Variants in CSMD1 observed in about 807,000 individuals in gnomAD.
CSMD1 encodes the protein CUB and Sushi multiple domains 1, also known as CUB and sushi domain-containing protein 1.
A neutral mutation model predicts 417.5 loss-of-function variants in CSMD1; 213 were observed. The observed-to-expected ratio is 0.51, with a 90% CI of 0.46 to 0.57. The LOEUF is 0.57. Ranked by LOEUF, CSMD1 falls within the 20% of genes least tolerant of loss-of-function variation. The pLI, the probability that CSMD1 is intolerant of heterozygous loss-of-function variation, is 0.00. For synonymous variants in CSMD1, 2,862 were observed against 1,736.8 expected, an observed-to-expected ratio of 1.65 and a Z score of -16.11; for missense variants, 6,923 against 4,529.7, an observed-to-expected ratio of 1.53 and a Z score of -15.17.
chr8:3,920,411 A>T (rs960970459), intron 5 of CSMD1, among the ~76,000 whole-genome samples: 1 of 151,806 alleles, frequency 6.6e-6, no homozygotes, highest in East Asian at 1.9e-4. Flanking sequence ...CTTTTCTAAG[A>T]CTGTAACATC....
intron 5 of CSMD1, among the ~76,000 whole-genome samples, chr8:3,990,386 A>G (rs1452315378): frequency 2.6e-5 from 4 of 152,268 alleles, no homozygotes; most frequent in African/African-American, 9.6e-5. Flanking sequence ...TGCCCTAAGA[A>G]TGGTAAGGAT....
rs191361876 is a variant in CSMD1 at position 4,240,230 on chromosome 8, G to C, written c.415+179723C>G. Among the ~76,000 whole-genome samples the C allele has an allele frequency of 6.4e-4, 97 of 152,368 alleles. No individual in the cohort carries two copies. In the East Asian group the frequency reaches 0.018, roughly 28 times the overall value. On this transcript the variant is annotated intron_variant, in intron 3 of 69. Transcript: ENST00000635120. ...GACAACCGGCTGCAGAGCGTAGCTT[G>C]TGCTAACCTGTTTCATGAGGGGCTG...
At chr8:3,517,094 C>T (rs886792448) in intron 10 of CSMD1, among the ~76,000 whole-genome samples, 8 of 152,182 alleles carry the variant, frequency 5.3e-5, no homozygotes, top group African/African-American at 1.7e-4. Context: ...ATCTGGCGGC[C>T]TTCTCAGGAG....
intron 6 of CSMD1, 99 bp from the exon 7 acceptor site, chr8:3,708,590 A>C: frequency 2.2e-6 from 2 of 895,356 alleles, no homozygotes; most frequent in Non-Finnish European, 3.7e-6. Flanking sequence ...GCTTTCTATC[A>C]ACCCCCGAAA....
chr8:4,562,214 C>G (rs1484462105), intron 2 of CSMD1, among the ~76,000 whole-genome samples: 2 of 151,948 alleles, frequency 1.3e-5, no homozygotes, highest in Non-Finnish European at 2.9e-5. Context: ...GAGCCAAGTC[C>G]TGGAAGAAAC....
intron 5 of CSMD1, among the ~76,000 whole-genome samples, chr8:3,873,856 G>A (rs1015287071): frequency 6.6e-6 from 1 of 152,202 alleles, no homozygotes; most frequent in South Asian, 2.1e-4. Context: ...TAGGAACACA[G>A]AGGAGATATT....
chr8:3,104,526 A>C (rs1315304003), intron 46 of CSMD1, among the ~76,000 whole-genome samples: 1 of 152,074 alleles, frequency 6.6e-6, no homozygotes, highest in East Asian at 1.9e-4. Context: ...ATACAACTTC[A>C]ATGTTAATAT....
intron 13 of CSMD1, among the ~76,000 whole-genome samples, chr8:3,408,738 G>T (rs1055571373): frequency 2.0e-5 from 3 of 151,800 alleles, no homozygotes; most frequent in Non-Finnish European, 2.9e-5. Context: ...TGTTCTAGTT[G>T]GATAATATAA....
intron 12 of CSMD1, among the ~76,000 whole-genome samples, chr8:3,445,353 T>C (rs555288133): frequency 1.3e-5 from 2 of 152,288 alleles, no homozygotes; most frequent in East Asian, 3.9e-4. Context: ...TTGACGTGTA[T>C]ACATATATGT....
chr8:3,548,169 G>T (rs1171281529), intron 10 of CSMD1, among the ~76,000 whole-genome samples: 1 of 152,102 alleles, frequency 6.6e-6, no homozygotes, highest in Non-Finnish European at 1.5e-5. Flanking sequence ...TGTTATGGGG[G>T]GTTCCTGCAA....
At chr8:3,799,477 A>G (rs1028401163) in intron 5 of CSMD1, among the ~76,000 whole-genome samples, 3 of 141,804 alleles carry the variant, frequency 2.1e-5, no homozygotes, top group African/African-American at 7.9e-5. Context: ...GTTCCCACCT[A>G]TAAGTGAGAC....
chr8:4,054,504 T>C (rs1272898996), intron 3 of CSMD1, among the ~76,000 whole-genome samples: 1 of 152,038 alleles, frequency 6.6e-6, no homozygotes, highest in Admixed American at 6.6e-5. Flanking sequence ...CATGTCGGTT[T>C]CGTCTACACC....
chr8:4,052,332 A>T (rs536821271), intron 3 of CSMD1, among the ~76,000 whole-genome samples: 2 of 152,364 alleles, frequency 1.3e-5, no homozygotes, highest in African/African-American at 4.8e-5. Context: ...TATCATATGC[A>T]CAAGGAGTAT....
At chr8:3,301,272 G>A (rs1005505397) in intron 25 of CSMD1, among the ~76,000 whole-genome samples, 1 of 152,122 alleles carries the variant, frequency 6.6e-6, no homozygotes, top group Non-Finnish European at 1.5e-5. Context: ...TGGAAACCTG[G>A]TGAGTTAGGA....
At chr8:4,919,467 G>C (rs774262379) in intron 1 of CSMD1, among the ~76,000 whole-genome samples, 3 of 152,022 alleles carry the variant, frequency 2.0e-5, no homozygotes, top group Non-Finnish European at 4.4e-5. Flanking sequence ...TTTTCTATTA[G>C]CCATTCCCTG....
At chr8:4,241,763 G>A (rs909035788) in intron 3 of CSMD1, among the ~76,000 whole-genome samples, 3 of 151,220 alleles carry the variant, frequency 2.0e-5, no homozygotes, top group African/African-American at 7.3e-5. Flanking sequence ...GAGTGCAGTG[G>A]CGTGATCTCA....
intron 7 of CSMD1, among the ~76,000 whole-genome samples, chr8:3,690,200 A>T (rs896906331): frequency 6.6e-6 from 1 of 152,200 alleles, no homozygotes; most frequent in African/African-American, 2.4e-5. Context: ...CTCTACAAAA[A>T]ATACAAAAAT....
In CSMD1 at chr8:4,391,054, G is replaced by C. The variant is rs531110884; in HGVS notation, c.415+28899C>G. 2.0e-5 allele frequency among the ~76,000 whole-genome samples: 3 copies of C among 152,294 alleles called. No homozygotes were observed. The East Asian group carries it at 5.8e-4, about 29-fold the overall frequency. Reference sequence around the variant, plus strand: ...CATCTGGGATCCTGTTTAAACCCCAGAGCACTAGGGTCGTTGTCTAGATCC... The same window carrying C: ...CATCTGGGATCCTGTTTAAACCCCACAGCACTAGGGTCGTTGTCTAGATCC... On this transcript the variant is annotated intron_variant, in intron 3 of 69. Transcript: ENST00000635120.
At chr8:3,608,906 A>G (rs955700299) in intron 8 of CSMD1, among the ~76,000 whole-genome samples, 1 of 152,136 alleles carries the variant, frequency 6.6e-6, no homozygotes, top group Non-Finnish European at 1.5e-5. Flanking sequence ...CAGCATATGC[A>G]ATGCATGCTA....
Sources: gnomAD v4.1 joint callset for allele counts (sites outside exome capture counted in the v4.1 genomes callset) on GRCh38, gnomAD v4.1.1 for gene constraint, MANE v1.5 for transcripts, NCBI Gene and HGNC (gene_info 2026-07-23, HGNC 2026-07-21) for gene names.